Variants in ME1 observed in about 807,000 individuals in gnomAD.
The protein encoded by ME1 is NADP-dependent malic enzyme.
In ME1, 74 loss-of-function variants were observed where a neutral mutation model predicts 66.4. The ratio of observed to expected loss-of-function variants is 1.11; its 90% CI spans 0.92 to 1.35. The LOEUF (loss-of-function observed/expected upper bound fraction) is 1.35, where lower values mean the gene tolerates loss of function less well. ME1 is among the 40% of genes most tolerant of loss of function. The pLI, the probability that ME1 is intolerant of heterozygous loss-of-function variation, is 0.00. For synonymous variants in ME1, 251 were observed against 235.6 expected, an observed-to-expected ratio of 1.07 and a Z score of -0.60; for missense variants, 750 against 694.1, an observed-to-expected ratio of 1.08 and a Z score of -0.90.
At chr6:83,279,097 G>A (rs1301290358) in intron 6 of ME1, among the ~76,000 whole-genome samples, 4 of 152,066 alleles carry the variant, frequency 2.6e-5, no homozygotes, top group Admixed American at 1.3e-4. Context: ...TTAAGGAGAC[G>A]CTGGAAAAAT....
At chr6:83,396,808 G>A (rs1005089872) in intron 3 of ME1, among the ~76,000 whole-genome samples, 7 of 152,012 alleles carry the variant, frequency 4.6e-5, no homozygotes, top group Admixed American at 2.6e-4. Flanking sequence ...AGACAGCCCA[G>A]AATGAAACAG....
intron 7 of ME1, among the ~76,000 whole-genome samples, chr6:83,253,298 T>C (rs1790754428): frequency 6.6e-6 from 1 of 152,166 alleles, no homozygotes; most frequent in Non-Finnish European, 1.5e-5. Flanking sequence ...TAAGATAGGC[T>C]GAAGAGAGAA....
At chr6:83,385,131 T>C (rs1769482522) in intron 3 of ME1, among the ~76,000 whole-genome samples, 1 of 151,942 alleles carries the variant, frequency 6.6e-6, no homozygotes, top group Non-Finnish European at 1.5e-5. Context: ...CTGTCACTGT[T>C]ATTGTCACTT....
intron 3 of ME1, among the ~76,000 whole-genome samples, chr6:83,354,958 C>A (rs1463758870): frequency 6.6e-6 from 1 of 152,108 alleles, no homozygotes; most frequent in Non-Finnish European, 1.5e-5. Flanking sequence ...TACGTCAGTG[C>A]TATAGGAAGA....
At chr6:83,364,202 T>C (rs1769057123) in intron 3 of ME1, among the ~76,000 whole-genome samples, 1 of 151,908 alleles carries the variant, frequency 6.6e-6, no homozygotes, top group Non-Finnish European at 1.5e-5. Flanking sequence ...GGCAGAAAAA[T>C]GTCAAAAGAG....
rs764601651 is a variant in ME1, at chr6:83,430,954, TGGCTGGCGCCGGGTTCG to T, written c.-17_-1del. The stretch of plus-strand genomic sequence containing the variant: ...CGGCGACGGGGGGCTTCGGGCTCCA[TGGCTGGCGCCGGGTTCG>T]GCGGCGGGGTCAGGCCGGGGCGGGC... On this transcript the variant is annotated 5_prime_UTR_variant, in exon 1 of 14. Transcript: ENST00000369705. 1.0e-4 allele frequency: 161 copies of T among 1,565,784 alleles called. No individual in the cohort carries two copies. The highest frequency in any genetic ancestry group is 3.4e-4 in the Admixed American group (18 of 53,222).
intron 5 of ME1, among the ~76,000 whole-genome samples, chr6:83,328,217 C>T: frequency 6.6e-6 from 1 of 152,040 alleles, no homozygotes. Flanking sequence ...AACACAGGAA[C>T]AGAAAACCAA....
chr6:83,252,988 A>G (rs1790749163), intron 7 of ME1, among the ~76,000 whole-genome samples: 1 of 152,160 alleles, frequency 6.6e-6, no homozygotes, highest in African/African-American at 2.4e-5. Flanking sequence ...GCCATTTGCA[A>G]TCTCATTTCA....
intron 3 of ME1, among the ~76,000 whole-genome samples, chr6:83,366,632 C>T (rs187788481): frequency 6.4e-4 from 98 of 152,258 alleles, no homozygotes; most frequent in African/African-American, 2.1e-3. Flanking sequence ...AGGAGCTATA[C>T]GATCAATACA....
At chr6:83,229,929 C>A (rs899938792) in intron 9 of ME1, among the ~76,000 whole-genome samples, 1 of 152,010 alleles carries the variant, frequency 6.6e-6, no homozygotes, top group Non-Finnish European at 1.5e-5. Context: ...GTCAAGGGAT[C>A]CTCCCACCTA....
At chr6:83,390,053 C>T (rs1263375070) in intron 3 of ME1, among the ~76,000 whole-genome samples, 1 of 151,968 alleles carries the variant, frequency 6.6e-6, no homozygotes. Context: ...AGTATCCCAG[C>T]AGTCATTTAG....
At chr6:83,281,763 G>GCC (rs1453777751) in intron 6 of ME1, among the ~76,000 whole-genome samples, 1 of 123,274 alleles carries the variant, frequency 8.1e-6, no homozygotes, top group African/African-American at 3.2e-5. Flanking sequence ...CCAACATTGT[G>GCC]CCACTGCACT....
At chr6:83,308,159 T>A (rs1011980853) in intron 6 of ME1, among the ~76,000 whole-genome samples, 2 of 152,144 alleles carry the variant, frequency 1.3e-5, no homozygotes, top group Non-Finnish European at 2.9e-5. Flanking sequence ...ACAGAACAAT[T>A]TGTGATGGCA....
intron 6 of ME1, among the ~76,000 whole-genome samples, chr6:83,313,314 A>ATCTACATT (rs1767965111): frequency 6.6e-6 from 1 of 152,086 alleles, no homozygotes; most frequent in African/African-American, 2.4e-5. Context: ...CATAGGTGCT[A>ATCTACATT]TCTACATTTA....
intron 6 of ME1, among the ~76,000 whole-genome samples, chr6:83,295,512 A>G (rs1767581457): frequency 6.7e-6 from 1 of 150,202 alleles, no homozygotes; most frequent in Non-Finnish European, 1.5e-5. Context: ...CAATAAATCT[A>G]TTTTTTTTTT....
At chr6:83,400,640 A>G (rs377624645) in intron 2 of ME1, among the ~76,000 whole-genome samples, 9 of 152,276 alleles carry the variant, frequency 5.9e-5, no homozygotes, top group African/African-American at 2.2e-4. Flanking sequence ...GATTATTCTA[A>G]TGGTCTCCTA....
At chr6:83,390,324 A>G (rs901384444) in intron 3 of ME1, among the ~76,000 whole-genome samples, 3 of 152,200 alleles carry the variant, frequency 2.0e-5, no homozygotes, top group South Asian at 2.1e-4. Flanking sequence ...TAATAGAATA[A>G]GGGGTATAAT....
At chr6:83,327,656 T>C (rs898357071) in intron 5 of ME1, among the ~76,000 whole-genome samples, 3 of 152,196 alleles carry the variant, frequency 2.0e-5, no homozygotes, top group Non-Finnish European at 4.4e-5. Context: ...CATTAGCAAT[T>C]TTAATTTCGC....
chr6:83,384,456 G>A (rs1769471805), intron 3 of ME1, among the ~76,000 whole-genome samples: 1 of 151,582 alleles, frequency 6.6e-6, no homozygotes, highest in Non-Finnish European at 1.5e-5. Flanking sequence ...CTTCTTTTGA[G>A]AAGTGTCTGT....
Sources: allele counts gnomAD v4.1 joint callset (sites outside exome capture counted in the v4.1 genomes callset), GRCh38; gene constraint gnomAD v4.1.1; transcripts MANE v1.5; gene names NCBI Gene and HGNC (gene_info 2026-07-23, HGNC 2026-07-21).